Variants in TCF12 observed in about 807,000 individuals in gnomAD.
The protein encoded by TCF12 is transcription factor 12, also known as DNA-binding protein HTF4.
A neutral mutation model predicts 86.0 loss-of-function variants in TCF12; 45 were observed. The observed-to-expected ratio is 0.52, with a 90% confidence interval of 0.41 to 0.67. The LOEUF (loss-of-function observed/expected upper bound fraction) is 0.67. TCF12 is among the 30% of genes least tolerant of loss of function. The probability of loss-of-function intolerance (pLI) is 0.00; values close to 1 mark genes in which losing one functional copy is unlikely to be tolerated. For synonymous variants in TCF12, 330 were observed against 299.6 expected, an observed-to-expected ratio of 1.10 and a Z score of -1.05; for missense variants, 881 against 859.9, an observed-to-expected ratio of 1.02 and a Z score of -0.31.
At chr15:56,988,935 T>C (rs2063318763) in intron 3 of TCF12, among the ~76,000 whole-genome samples, 2 of 152,208 alleles carry the variant, frequency 1.3e-5, no homozygotes, top group African/African-American at 4.8e-5. Flanking sequence ...AAGTAATTGA[T>C]ATTTTTGGTC....
intron 18 of TCF12, among the ~76,000 whole-genome samples, chr15:57,271,556 A>C (rs901650225): frequency 6.6e-6 from 1 of 152,160 alleles, no homozygotes; most frequent in Non-Finnish European, 1.5e-5. Context: ...ACGTGAGGCA[A>C]TGCCCCACCC....
chr15:57,178,666 T>C lies in TCF12; in HGVS notation c.390+12200T>C, dbSNP rs138715350. Among the ~76,000 whole-genome samples, 396 of 152,346 alleles carry C rather than the reference T, an allele frequency of 2.6e-3. 1 individual carries two copies. The highest frequency in any genetic ancestry group is 9.0e-3 in the African/African-American group (373 of 41,586). ...GGCGCAAAGGCATACTGGTAACACA[T>C]AGGAGAACATTCAGTTAGCCCTTTT... On this transcript the variant is annotated intron_variant, in intron 6 of 20. Transcript: ENST00000333725.
At chr15:57,112,961 TAA>T (rs538690688) in intron 5 of TCF12, among the ~76,000 whole-genome samples, 46 of 152,372 alleles carry the variant, frequency 3.0e-4, no homozygotes, top group African/African-American at 1.1e-3. Context: ...TTGAATACTT[TAA>T]GTTTCAATTA....
At chr15:56,920,032 T>C in intron 2 of TCF12, 44 bp downstream of exon 2, 1 of 1,461,806 alleles carries the variant, frequency 6.8e-7, no homozygotes. Context: ...GCTGAGGTTT[T>C]TGTTTGTTTG....
intron 3 of TCF12, among the ~76,000 whole-genome samples, chr15:57,007,852 C>CCTT: frequency 9.9e-6 from 1 of 101,178 alleles, no homozygotes. Context: ...CTCTTTCCCT[C>CCTT]CCTTCCTTCC....
rs186605356 is a variant in TCF12 at position 57,165,194 on chromosome 15, T to G, written c.326-1208T>G. Among the ~76,000 whole-genome samples the G allele has an allele frequency of 3.1e-3, 479 of 152,134 alleles. 1 individual carries two copies. Among genetic ancestry groups the G allele is most frequent in the Middle Eastern group, 0.017 (5 of 294 alleles). On this transcript the variant is annotated intron_variant, in intron 5 of 20. Transcript: ENST00000333725. ...CACGAGATGTGCAAGGATATTTGTT[T>G]CAATATTGCTCATGACAAAAAAATA...
intron 5 of TCF12, among the ~76,000 whole-genome samples, chr15:57,142,891 A>G (rs2053081916): frequency 6.6e-6 from 1 of 152,218 alleles, no homozygotes; most frequent in Non-Finnish European, 1.5e-5. Flanking sequence ...TCTAAGCTAC[A>G]GTATGAAGGA....
chr15:57,228,660 C>G (rs1052275492), intron 8 of TCF12, among the ~76,000 whole-genome samples: 1 of 151,932 alleles, frequency 6.6e-6, no homozygotes, highest in Non-Finnish European at 1.5e-5. Flanking sequence ...AGCATATTCT[C>G]TTTTATTTAG....
intron 8 of TCF12, among the ~76,000 whole-genome samples, chr15:57,218,618 T>C (rs1288621736): frequency 6.6e-6 from 1 of 152,206 alleles, no homozygotes; most frequent in East Asian, 1.9e-4. Flanking sequence ...AACTGTTTAG[T>C]TTATTCTCTC....
chr15:57,270,940 T>G (rs1240749420), intron 18 of TCF12, among the ~76,000 whole-genome samples: 2 of 152,156 alleles, frequency 1.3e-5, no homozygotes, highest in Non-Finnish European at 2.9e-5. Context: ...CTCTGGAAGC[T>G]TCGTCCCAGA....
intron 7 of TCF12, among the ~76,000 whole-genome samples, chr15:57,197,088 C>T (rs2057300903): frequency 1.3e-5 from 2 of 150,666 alleles, no homozygotes; most frequent in Non-Finnish European, 2.9e-5. Flanking sequence ...ACCTATTACA[C>T]TAAGTGCCCC....
intron 3 of TCF12, among the ~76,000 whole-genome samples, chr15:56,935,256 A>G (rs2060417520): frequency 6.6e-6 from 1 of 152,120 alleles, no homozygotes; most frequent in Non-Finnish European, 1.5e-5. Flanking sequence ...TTGGGCTGCC[A>G]TAACAAAATA....
At position 57,073,888 on chromosome 15, in the gene TCF12, A is replaced by G. The variant is rs1449360975; in HGVS notation, c.222+10065A>G. Among the ~76,000 whole-genome samples, 4 of 152,184 alleles carry G rather than the reference A, an allele frequency of 2.6e-5. No homozygotes were observed. In the East Asian group the frequency reaches 7.7e-4, roughly 29 times the overall value. ...CTCAGCCTCCCGAGTAGCTGGGACT[A>G]CAGGCGCCCACCACCACTCCTGGCT... On this transcript the variant is annotated intron_variant, in intron 4 of 20. Coordinates refer to ENST00000333725, the MANE Select transcript of TCF12 (RefSeq NM_207037.2).
chr15:57,101,078 C>G (rs1321371427), intron 5 of TCF12, among the ~76,000 whole-genome samples: 1 of 152,046 alleles, frequency 6.6e-6, no homozygotes, highest in African/African-American at 2.4e-5. Context: ...TCTTTTTCTT[C>G]TTGGAAAATT....
chr15:56,961,045 C>G (rs766482358), intron 3 of TCF12, among the ~76,000 whole-genome samples: 66 of 149,016 alleles, frequency 4.4e-4, no homozygotes, highest in Non-Finnish European at 8.7e-4. Flanking sequence ...GAGGCTGAGG[C>G]AGGAGAATTG....
At chr15:56,926,496 T>C (rs1047805351) in intron 3 of TCF12, among the ~76,000 whole-genome samples, 4 of 152,138 alleles carry the variant, frequency 2.6e-5, no homozygotes, top group Non-Finnish European at 5.9e-5. Context: ...ATGTTGAGTT[T>C]AGAGTTGACT....
At chr15:56,944,545 CT>C (rs1209593726) in intron 3 of TCF12, among the ~76,000 whole-genome samples, 1 of 152,008 alleles carries the variant, frequency 6.6e-6, no homozygotes, top group Non-Finnish European at 1.5e-5. Context: ...TTTGATAAAC[CT>C]GTATAAAATT....
chr15:57,127,301 T>C (rs1240047156), intron 5 of TCF12, among the ~76,000 whole-genome samples: 1 of 151,248 alleles, frequency 6.6e-6, no homozygotes, highest in Non-Finnish European at 1.5e-5. Context: ...CTCTTTCTTC[T>C]TTTTTTTTAT....
intron 3 of TCF12, among the ~76,000 whole-genome samples, chr15:56,973,923 G>A (rs2062467985): frequency 6.6e-6 from 1 of 152,088 alleles, no homozygotes; most frequent in Admixed American, 6.5e-5. Flanking sequence ...ATGAGAATGA[G>A]ACAGGCTCAC....
Sources: gnomAD v4.1 joint callset for allele counts (sites outside exome capture counted in the v4.1 genomes callset) on GRCh38, gnomAD v4.1.1 for gene constraint, MANE v1.5 for transcripts, NCBI Gene and HGNC (gene_info 2026-07-23, HGNC 2026-07-21) for gene names.